AHI1: variants seen among roughly 807,000 people sequenced by gnomAD.
AHI1 encodes the protein jouberin.
AHI1 carries 123 observed loss-of-function variants against 149.3 expected under a neutral mutation model. That is an observed-to-expected ratio of 0.82 (90% confidence interval 0.71 to 0.96). AHI1 has a LOEUF of 0.96. AHI1 is among the 40% of genes least tolerant of loss of function. The probability of loss-of-function intolerance (pLI) is 0.00; values close to 1 mark genes in which losing one functional copy is unlikely to be tolerated. For missense variants in AHI1, 1,439 were observed against 1,422.7 expected, an observed-to-expected ratio of 1.01 and a Z score of -0.18; for synonymous variants, 475 against 459.8, an observed-to-expected ratio of 1.03 and a Z score of -0.42.
chr6:135,485,021 T>A (rs1486852405), intron 5 of AHI1, among the ~76,000 whole-genome samples: 1 of 152,038 alleles, frequency 6.6e-6, no homozygotes, highest in Non-Finnish European at 1.5e-5. Flanking sequence ...ATTCCTTCCC[T>A]CAAAAGCTAA....
At chr6:135,453,812 G>A (rs1340871131) in intron 10 of AHI1, among the ~76,000 whole-genome samples, 4 of 151,982 alleles carry the variant, frequency 2.6e-5, no homozygotes, top group South Asian at 4.2e-4. Context: ...CCTATTTCTG[G>A]GTCTTTGTCT....
intron 24 of AHI1, among the ~76,000 whole-genome samples, chr6:135,352,180 C>T (rs1208688967): frequency 6.6e-6 from 1 of 152,148 alleles, no homozygotes; most frequent in Non-Finnish European, 1.5e-5. Context: ...TTATTTTAAT[C>T]CTTTTAAAAC....
At chr6:135,356,138 C>T (rs946928997) in intron 24 of AHI1, among the ~76,000 whole-genome samples, 2 of 152,156 alleles carry the variant, frequency 1.3e-5, no homozygotes, top group African/African-American at 4.8e-5. Flanking sequence ...GGGTCCCAGC[C>T]TCAGCTATTC....
At chr6:135,419,253 AT>A (rs1259472329) in intron 20 of AHI1, among the ~76,000 whole-genome samples, 1 of 152,152 alleles carries the variant, frequency 6.6e-6, no homozygotes, top group Non-Finnish European at 1.5e-5. Flanking sequence ...GGATATAAAA[AT>A]TGAATCAACT....
At chr6:135,295,245 T>C (rs1469504109) in intron 27 of AHI1, among the ~76,000 whole-genome samples, 1 of 152,192 alleles carries the variant, frequency 6.6e-6, no homozygotes, top group African/African-American at 2.4e-5. Context: ...TTGGAATGGC[T>C]AAATTAGAAG....
At chr6:135,490,405 G>C in intron 5 of AHI1, 1 of 650,204 alleles carries the variant, frequency 1.5e-6, no homozygotes, top group South Asian at 1.9e-5. Flanking sequence ...CACTGTGTGT[G>C]TGTTCTTCCT....
At chr6:135,325,073 C>A (rs1431364896) in intron 24 of AHI1, among the ~76,000 whole-genome samples, 2 of 147,040 alleles carry the variant, frequency 1.4e-5, no homozygotes, top group Non-Finnish European at 3.0e-5. Flanking sequence ...GTCGCCCAGG[C>A]TGGAGTGCAC....
At chr6:135,363,006 T>G (rs1184286938) in intron 23 of AHI1, among the ~76,000 whole-genome samples, 3 of 151,164 alleles carry the variant, frequency 2.0e-5, no homozygotes, top group Non-Finnish European at 4.4e-5. Context: ...TAGATTTAAG[T>G]CTTTCATCCA....
intron 18 of AHI1, among the ~76,000 whole-genome samples, chr6:135,429,285 T>C (rs1784326461): frequency 6.6e-6 from 1 of 151,748 alleles, no homozygotes; most frequent in South Asian, 2.1e-4. Context: ...GAAAAAATAG[T>C]AAACACCATT....
chr6:135,324,547 T>C (rs1009438142), intron 24 of AHI1, among the ~76,000 whole-genome samples: 6 of 79,834 alleles, frequency 7.5e-5, no homozygotes, highest in African/African-American at 2.3e-4. Context: ...TATAGTTATA[T>C]ATACATATAT....
At chr6:135,312,399 AGCTACTTGGGAG>A (rs1785331549) in intron 26 of AHI1, among the ~76,000 whole-genome samples, 1 of 152,132 alleles carries the variant, frequency 6.6e-6, no homozygotes, top group African/African-American at 2.4e-5. Context: ...CTGTAATCTC[AGCTACTTGGGAG>A]GCTGAGGCAT....
At chr6:135,465,054 T>C (rs1790522092) in intron 7 of AHI1, among the ~76,000 whole-genome samples, 1 of 152,192 alleles carries the variant, frequency 6.6e-6, no homozygotes. Flanking sequence ...TTACCACCGG[T>C]CACCTAGCTT....
rs1201174066 is a variant in AHI1, at chr6:135,457,861, A to G, written c.932-148T>C. 4.5e-6 allele frequency: 3 copies of G among 674,044 alleles called. No homozygotes were observed. In the African/African-American group the frequency reaches 5.4e-5, roughly 12 times the overall value. The allele number at this position is 674,044 out of a possible 1,614,324, so 41.8% of individuals were successfully genotyped here. ...GAAAGAAAAAGCCAGACAACAGCAAACCATAGTGTGAAAGTAAAATACTAC... is the reference window on the plus strand; with the variant it reads ...GAAAGAAAAAGCCAGACAACAGCAAGCCATAGTGTGAAAGTAAAATACTAC... On this transcript the variant is annotated intron_variant, in intron 8 of 28. Transcript: ENST00000265602.
chr6:135,411,416 C>T lies in AHI1; in HGVS notation c.2893G>A (p.Glu965Lys). The part of the protein sequence containing the change: ...LPHQGSFQID[E>K]FVHTESSSTK... ...GAAGAACTTTCAGTGTGGACAAATT[C>T]ATCAATCTGAAAAGAGCCTTGATGG... Residue 965 changes from glutamate (E) to lysine (K), a missense_variant, in exon 21 of 29, where the codon GAA becomes AAA. Coordinates refer to ENST00000265602, the MANE Select transcript of AHI1 (RefSeq NM_001134831.2). 6.2e-7 allele frequency: 1 copy of T among 1,613,828 alleles called. No homozygotes were observed. Among genetic ancestry groups the T allele is most frequent in the Non-Finnish European group, 8.5e-7 (1 of 1,179,782 alleles).
chr6:135,337,142 T>C (rs1789515400), intron 24 of AHI1, among the ~76,000 whole-genome samples: 1 of 152,098 alleles, frequency 6.6e-6, no homozygotes, highest in South Asian at 2.1e-4. Context: ...GCTTGTCACT[T>C]TCCTTAAAAT....
intron 10 of AHI1, among the ~76,000 whole-genome samples, chr6:135,454,881 T>C (rs1209138846): frequency 1.3e-5 from 2 of 152,198 alleles, no homozygotes; most frequent in African/African-American, 4.8e-5. Flanking sequence ...TTGGAATATT[T>C]GTATCATAAA....
intron 7 of AHI1, among the ~76,000 whole-genome samples, chr6:135,464,026 A>T (rs2128094276): frequency 6.6e-6 from 1 of 152,352 alleles, no homozygotes; most frequent in South Asian, 2.1e-4. Flanking sequence ...TACTAAAATT[A>T]AAATCTATAT....
chr6:135,351,415 C>T (rs1489627109), intron 24 of AHI1, among the ~76,000 whole-genome samples: 1 of 152,148 alleles, frequency 6.6e-6, no homozygotes. Flanking sequence ...TTCCTCATAA[C>T]ATTCCATGAA....
Position 135,383,307 on chromosome 6 carries a change from G to A in AHI1, c.3109+11469C>T, listed in dbSNP as rs1374024675. 3.1e-5 allele frequency among the ~76,000 whole-genome samples: 4 copies of A among 128,922 alleles called. No individual in the cohort carries two copies. In the Admixed American group the frequency reaches 3.9e-4, roughly 13 times the overall value. The allele number at this position is 128,922 out of a possible 152,430, so 84.6% of individuals were successfully genotyped here. On this transcript the variant is annotated intron_variant, in intron 23 of 28. Transcript: ENST00000265602. Reference sequence around the variant, plus strand: ...TGTAGTGGTACAATCATGGTTCACTGCAGCCTCAACCTCCTGGGTTCAATC... The same window carrying A: ...TGTAGTGGTACAATCATGGTTCACTACAGCCTCAACCTCCTGGGTTCAATC...
Sources: allele counts gnomAD v4.1 joint callset (sites outside exome capture counted in the v4.1 genomes callset), GRCh38; gene constraint gnomAD v4.1.1; transcripts MANE v1.5; gene names NCBI Gene and HGNC (gene_info 2026-07-23, HGNC 2026-07-21).